PPP1R1C: variants seen among roughly 807,000 people sequenced by gnomAD.
The protein encoded by PPP1R1C is protein phosphatase 1 regulatory subunit 1C.
A neutral mutation model predicts 17.4 loss-of-function variants in PPP1R1C; 15 were observed. That is an observed-to-expected ratio of 0.86 (90% confidence interval 0.58 to 1.33). The LOEUF (loss-of-function observed/expected upper bound fraction) is 1.33, where lower values mean the gene tolerates loss of function less well. PPP1R1C is among the 40% of genes most tolerant of loss of function. The probability of loss-of-function intolerance (pLI) is 0.00; values close to 1 mark genes in which losing one functional copy is unlikely to be tolerated. For missense variants in PPP1R1C, 143 were observed against 130.0 expected (o/e 1.10, Z -0.48); for synonymous variants, 35 against 43.1 (o/e 0.81, Z 0.73).
chr2:182,021,088 T>C (rs1271151365), intron 2 of PPP1R1C, among the ~76,000 whole-genome samples: 1 of 152,204 alleles, frequency 6.6e-6, no homozygotes, highest in African/African-American at 2.4e-5. Context: ...TGTTGGCTGG[T>C]AACCCCTGTC....
chr2:182,108,580 A>C (rs945663423), intron 4 of PPP1R1C, among the ~76,000 whole-genome samples: 1 of 152,078 alleles, frequency 6.6e-6, no homozygotes, highest in Non-Finnish European at 1.5e-5. Context: ...CCATATATTC[A>C]TTTGGGTATA....
chr2:182,004,269 CT>C (rs1466673245), intron 2 of PPP1R1C, among the ~76,000 whole-genome samples: 3 of 152,154 alleles, frequency 2.0e-5, no homozygotes, highest in Non-Finnish European at 2.9e-5. Context: ...TTTTAGATGT[CT>C]CATTATTCTA....
At chr2:182,108,199 G>C (rs989851064) in intron 4 of PPP1R1C, among the ~76,000 whole-genome samples, 1 of 151,802 alleles carries the variant, frequency 6.6e-6, no homozygotes, top group Non-Finnish European at 1.5e-5. Flanking sequence ...GCAGTTTACT[G>C]TATTTCAAAT....
chr2:182,024,689 T>C (rs1686538459), intron 2 of PPP1R1C, among the ~76,000 whole-genome samples: 1 of 151,874 alleles, frequency 6.6e-6, no homozygotes, highest in African/African-American at 2.4e-5. Context: ...ACCTTGTTTC[T>C]ACTAAAATAC....
chr2:182,100,280 G>A (rs1039880141), intron 4 of PPP1R1C, among the ~76,000 whole-genome samples: 2 of 152,116 alleles, frequency 1.3e-5, no homozygotes, highest in Non-Finnish European at 2.9e-5. Flanking sequence ...GGGAGGCTGA[G>A]GCGGGTGAAT....
intron 4 of PPP1R1C, among the ~76,000 whole-genome samples, chr2:182,071,338 C>A (rs936768774): frequency 1.3e-5 from 2 of 152,032 alleles, no homozygotes; most frequent in South Asian, 4.1e-4. Flanking sequence ...ATCCCTGTAC[C>A]GGGATTTGAC....
intron 4 of PPP1R1C, among the ~76,000 whole-genome samples, chr2:182,113,328 A>G (rs1402267883): frequency 6.6e-6 from 1 of 152,218 alleles, no homozygotes; most frequent in Non-Finnish European, 1.5e-5. Flanking sequence ...TTAGGAATTC[A>G]AAGTCAGGCT....
intron 2 of PPP1R1C, among the ~76,000 whole-genome samples, chr2:182,053,413 T>C (rs1687584582): frequency 6.6e-6 from 1 of 152,244 alleles, no homozygotes; most frequent in Admixed American, 6.5e-5. Flanking sequence ...TCTTTTTCGA[T>C]TGTCTGAAAA....
chr2:182,100,464 C>G (rs1260175176), intron 4 of PPP1R1C, among the ~76,000 whole-genome samples: 1 of 150,974 alleles, frequency 6.6e-6, no homozygotes, highest in East Asian at 1.9e-4. Context: ...GAGCCGAGAT[C>G]TCGCCACTGC....
intron 4 of PPP1R1C, among the ~76,000 whole-genome samples, chr2:182,066,058 C>T (rs1213981499): frequency 5.3e-5 from 8 of 152,072 alleles, no homozygotes; most frequent in Non-Finnish European, 1.2e-4. Flanking sequence ...TGCCTGAAAC[C>T]TCCTTCAACC....
chr2:182,003,458 G>T (rs977346652), intron 2 of PPP1R1C, among the ~76,000 whole-genome samples: 1 of 151,912 alleles, frequency 6.6e-6, no homozygotes, highest in South Asian at 2.1e-4. Context: ...CTAAATACTT[G>T]CATTTTTTAA....
At chr2:182,103,235 C>G (rs1180281637) in intron 4 of PPP1R1C, among the ~76,000 whole-genome samples, 1 of 152,000 alleles carries the variant, frequency 6.6e-6, no homozygotes, top group Non-Finnish European at 1.5e-5. Context: ...CACTTTTTCC[C>G]CTAGTTATTA....
intron 2 of PPP1R1C, among the ~76,000 whole-genome samples, chr2:182,057,350 G>A (rs1687716846): frequency 6.6e-6 from 1 of 152,114 alleles, no homozygotes. Context: ...TTCCAATTGA[G>A]CATAGGAGAG....
At chr2:181,954,848 GA>G (rs759982395) in intron 1 of PPP1R1C, among the ~76,000 whole-genome samples, 5 of 152,110 alleles carry the variant, frequency 3.3e-5, no homozygotes, top group Non-Finnish European at 7.4e-5. Context: ...TTTAAAGAGA[GA>G]TTTTTTTTCC....
At chr2:182,100,833 C>T (rs1485893243) in intron 4 of PPP1R1C, among the ~76,000 whole-genome samples, 1 of 152,124 alleles carries the variant, frequency 6.6e-6, no homozygotes, top group Admixed American at 6.5e-5. Flanking sequence ...TCAAAAACTC[C>T]GTAATGATGA....
intron 5 of PPP1R1C, among the ~76,000 whole-genome samples, chr2:182,125,640 C>T (rs1689855826): frequency 6.6e-6 from 1 of 151,954 alleles, no homozygotes; most frequent in Non-Finnish European, 1.5e-5. Context: ...TGTATATGTC[C>T]TGGAATTTAT....
chr2:182,113,427 T>A (rs1240951878), intron 4 of PPP1R1C, among the ~76,000 whole-genome samples: 1 of 152,196 alleles, frequency 6.6e-6, no homozygotes, highest in Non-Finnish European at 1.5e-5. Context: ...AACTACCTTT[T>A]ATCTCAATTC....
chr2:182,051,109 G>A (rs182214564), intron 2 of PPP1R1C, among the ~76,000 whole-genome samples: 10 of 152,314 alleles, frequency 6.6e-5, no homozygotes, highest in East Asian at 1.9e-4. Flanking sequence ...AGAAAGGTGC[G>A]GTATTTTGTT....
At chr2:182,120,845 T>C (rs1354865959), downstream of PPP1R1C, among the ~76,000 whole-genome samples, 1 of 151,484 alleles carries the variant, frequency 6.6e-6, no homozygotes, top group Non-Finnish European at 1.5e-5. Context: ...CTGTTCTCCA[T>C]TCCTAAAAAA....
Sources: gnomAD v4.1 joint callset for allele counts (sites outside exome capture counted in the v4.1 genomes callset) on GRCh38, gnomAD v4.1.1 for gene constraint, MANE v1.5 for transcripts, NCBI Gene and HGNC (gene_info 2026-07-23, HGNC 2026-07-21) for gene names.